Variants in RNF180 observed in about 807,000 individuals in gnomAD.
RNF180 encodes ring finger protein 180, also known as E3 ubiquitin-protein ligase RNF180.
Under a neutral mutation model 59.2 loss-of-function variants are expected in RNF180, and 38 were observed. The observed-to-expected ratio is 0.64, with a 90% CI of 0.50 to 0.84. RNF180 has a LOEUF of 0.84. Ranked by LOEUF, RNF180 falls within the 40% of genes least tolerant of loss-of-function variation. The probability of loss-of-function intolerance (pLI) is 0.00; values close to 1 mark genes in which losing one functional copy is unlikely to be tolerated. For missense variants in RNF180, 705 were observed against 700.9 expected, an observed-to-expected ratio of 1.01 and a Z score of -0.07; for synonymous variants, 262 against 240.3, an observed-to-expected ratio of 1.09 and a Z score of -0.84.
At chr5:64,257,601 T>C (rs1355835340) in intron 5 of RNF180, among the ~76,000 whole-genome samples, 1 of 152,200 alleles carries the variant, frequency 6.6e-6, no homozygotes, top group Non-Finnish European at 1.5e-5. Context: ...TGAATTCGGT[T>C]TGCCAGTATT....
intron 1 of RNF180, among the ~76,000 whole-genome samples, chr5:64,189,666 T>C (rs1751041378): frequency 6.6e-6 from 1 of 152,114 alleles, no homozygotes; most frequent in Admixed American, 6.6e-5. Flanking sequence ...ACAAGGAATT[T>C]TAAGCTAAAG....
chr5:64,342,325 G>A (rs1745386867), intron 7 of RNF180, among the ~76,000 whole-genome samples: 1 of 152,140 alleles, frequency 6.6e-6, no homozygotes, highest in Non-Finnish European at 1.5e-5. Flanking sequence ...TGCTTTACTG[G>A]AAGTATTTTC....
At chr5:64,210,553 C>T (rs75907234) in intron 2 of RNF180, among the ~76,000 whole-genome samples, 3,329 of 152,122 alleles carry the variant, frequency 0.022, 91 homozygotes, top group African/African-American at 0.056. Context: ...TGTTTTCATG[C>T]AGTTTGCTTG....
At position 64,347,645 on chromosome 5, in the gene RNF180, A is replaced by T. The variant is rs980274139; in HGVS notation, c.1579+17239A>T. On this transcript the variant is annotated intron_variant, in intron 7 of 7. Transcript: ENST00000389100. ...TTAATATTAAATGAGATATATACTC[A>T]TAAATTTCAGCAGCTATTAGAGCAT... Among the ~76,000 whole-genome samples the T allele has an allele frequency of 3.9e-5, 6 of 152,200 alleles. No homozygotes were observed. The East Asian group carries it at 1.2e-3, about 29-fold the overall frequency.
intron 1 of RNF180, among the ~76,000 whole-genome samples, chr5:64,194,089 G>A (rs1414251818): frequency 6.6e-6 from 1 of 152,000 alleles, no homozygotes; most frequent in Non-Finnish European, 1.5e-5. Flanking sequence ...GTGCCATGTT[G>A]GTGTGCTGCA....
chr5:64,350,484 A>G (rs987064140), intron 7 of RNF180, among the ~76,000 whole-genome samples: 18 of 152,152 alleles, frequency 1.2e-4, no homozygotes, highest in African/African-American at 4.1e-4. Flanking sequence ...GTCCTCGCCC[A>G]TGCCTATGTC....
chr5:64,211,956 G>T, intron 2 of RNF180, 109 bp from the exon 3 acceptor site: 1 of 598,482 alleles, frequency 1.7e-6, no homozygotes, highest in Non-Finnish European at 3.0e-6. Flanking sequence ...GTGTATATTT[G>T]CCTTCTAGCT....
In RNF180 at chr5:64,266,205, G is replaced by A. The variant is rs532629963; in HGVS notation, c.1227+48809G>A. Reference sequence around the variant, plus strand: ...ACTTCCTCTCTTCCTATGTGAATACGCTTTATTTATTTCTTTTGCCTGATT... The same window carrying A: ...ACTTCCTCTCTTCCTATGTGAATACACTTTATTTATTTCTTTTGCCTGATT... On this transcript the variant is annotated intron_variant, in intron 5 of 7. Transcript: ENST00000389100. Among the ~76,000 whole-genome samples, 21 of 152,098 alleles carry A rather than the reference G, an allele frequency of 1.4e-4. No individual in the cohort carries two copies. The South Asian group carries it at 1.5e-3, about 11-fold the overall frequency.
At chr5:64,263,801 G>C (rs569246914) in intron 5 of RNF180, among the ~76,000 whole-genome samples, 21 of 152,034 alleles carry the variant, frequency 1.4e-4, no homozygotes, top group Admixed American at 6.6e-4. Flanking sequence ...TTTCGTTTTA[G>C]TTACTTTAGT....
At chr5:64,277,189 A>AG (rs1561233983) in intron 5 of RNF180, among the ~76,000 whole-genome samples, 2 of 141,686 alleles carry the variant, frequency 1.4e-5, no homozygotes, top group African/African-American at 2.7e-5. Flanking sequence ...AAAAAAAAAA[A>AG]AGGGGAAAAA....
At chr5:64,317,147 T>C (rs7707499) in intron 5 of RNF180, among the ~76,000 whole-genome samples, 7,432 of 152,216 alleles carry the variant, frequency 0.049, 590 homozygotes, top group African/African-American at 0.16. Flanking sequence ...TATATGTGTG[T>C]GCGTGTGTGT....
At chr5:64,321,144 C>T (rs1744326091) in intron 5 of RNF180, among the ~76,000 whole-genome samples, 1 of 151,862 alleles carries the variant, frequency 6.6e-6, no homozygotes, top group Non-Finnish European at 1.5e-5. Context: ...TCCTATTCAA[C>T]ATAGTATTGG....
intron 1 of RNF180, among the ~76,000 whole-genome samples, chr5:64,192,205 C>T (rs557231971): frequency 1.3e-5 from 2 of 151,288 alleles, no homozygotes; most frequent in African/African-American, 4.9e-5. Context: ...CCACTAGATA[C>T]ATGAAAGGGT....
intron 7 of RNF180, among the ~76,000 whole-genome samples, chr5:64,355,616 AAAG>A (rs1404402420): frequency 6.6e-6 from 1 of 151,962 alleles, no homozygotes; most frequent in Non-Finnish European, 1.5e-5. Context: ...AAAATCCTGA[AAAG>A]AAGTACAGTG....
At chr5:64,333,160 T>G (rs1053071621) in intron 7 of RNF180, among the ~76,000 whole-genome samples, 6 of 152,160 alleles carry the variant, frequency 3.9e-5, no homozygotes, top group African/African-American at 1.2e-4. Context: ...TAGATAGGTT[T>G]TATTTTTATT....
Position 64,194,300 on chromosome 5 carries a change from C to T in RNF180, c.1-6508C>T, listed in dbSNP as rs554059990. ...ATAGTTTGCTGAGAATGATGGTTTCCAGCTTCATCCATGTCCCTACAAAGG... is the reference window on the plus strand; with the variant it reads ...ATAGTTTGCTGAGAATGATGGTTTCTAGCTTCATCCATGTCCCTACAAAGG... On this transcript the variant is annotated intron_variant, in intron 1 of 7. Transcript: ENST00000389100. 2.6e-5 allele frequency among the ~76,000 whole-genome samples: 4 copies of T among 152,248 alleles called. No individual in the cohort carries two copies. In the East Asian group the frequency reaches 5.8e-4, roughly 22 times the overall value.
At chr5:64,241,093 T>C (rs958752451) in intron 5 of RNF180, among the ~76,000 whole-genome samples, 1 of 152,232 alleles carries the variant, frequency 6.6e-6, no homozygotes. Context: ...CCCAGTTGTA[T>C]TTTTAACATT....
intron 1 of RNF180, among the ~76,000 whole-genome samples, chr5:64,192,903 G>GTATATATATATATATATGTGTA (rs1751242218): frequency 1.1e-5 from 1 of 93,870 alleles, no homozygotes; most frequent in Admixed American, 1.1e-4. Context: ...AGTGTGGCAT[G>GTATATATATATATATATGTGTA]TATATATATA....
intron 1 of RNF180, among the ~76,000 whole-genome samples, chr5:64,198,354 TAGAG>T (rs1751559942): frequency 6.6e-6 from 1 of 152,148 alleles, no homozygotes; most frequent in Admixed American, 6.5e-5. Flanking sequence ...AGGAGATTCA[TAGAG>T]AGATGTGCAT....
Sources: gnomAD v4.1 joint callset for allele counts (sites outside exome capture counted in the v4.1 genomes callset) on GRCh38, gnomAD v4.1.1 for gene constraint, MANE v1.5 for transcripts, NCBI Gene and HGNC (gene_info 2026-07-23, HGNC 2026-07-21) for gene names.